The following KCNIP1 variants were observed in gnomAD, a reference collection of about 807,000 sequenced individuals.
KCNIP1 encodes A-type potassium channel modulatory protein KCNIP1.
Under a neutral mutation model 33.0 loss-of-function variants are expected in KCNIP1, and 18 were observed. The ratio of observed to expected loss-of-function variants is 0.55; its 90% CI spans 0.38 to 0.81. The LOEUF (loss-of-function observed/expected upper bound fraction) is 0.81. Ranked by LOEUF, KCNIP1 falls within the 30% of genes least tolerant of loss-of-function variation. The probability of loss-of-function intolerance (pLI) is 0.00; values close to 1 mark genes in which losing one functional copy is unlikely to be tolerated. For missense variants in KCNIP1, 238 were observed against 271.6 expected, an observed-to-expected ratio of 0.88 and a Z score of 0.87; for synonymous variants, 93 against 98.3, an observed-to-expected ratio of 0.95 and a Z score of 0.32.
intron 1 of KCNIP1, among the ~76,000 whole-genome samples, chr5:170,460,774 T>A (rs1756486249): frequency 6.6e-6 from 1 of 152,138 alleles, no homozygotes; most frequent in South Asian, 2.1e-4. Flanking sequence ...CTCACCACTC[T>A]TCTTCAACCT....
At chr5:170,426,133 C>A (rs1755607957) in intron 1 of KCNIP1, among the ~76,000 whole-genome samples, 2 of 152,156 alleles carry the variant, frequency 1.3e-5, no homozygotes, top group South Asian at 4.1e-4. Context: ...TTCCTCGAAC[C>A]ACTGACTGAT....
At chr5:170,419,789 A>G (rs1875958) in intron 1 of KCNIP1, among the ~76,000 whole-genome samples, 7,248 of 152,292 alleles carry the variant, frequency 0.048, 602 homozygotes, top group African/African-American at 0.16. Flanking sequence ...GCTGTCCTAC[A>G]TCTGACCCTC....
intron 1 of KCNIP1, chr5:170,375,160 G>A (rs962371216): frequency 5.3e-5 from 8 of 152,102 alleles, no homozygotes; most frequent in Admixed American, 1.3e-4. Context: ...GAAGCTTTAC[G>A]AAATAATACA....
intron 1 of KCNIP1, among the ~76,000 whole-genome samples, chr5:170,556,171 A>G (rs1264288309): frequency 6.6e-6 from 1 of 152,218 alleles, no homozygotes; most frequent in African/African-American, 2.4e-5. Flanking sequence ...TATTTGATGG[A>G]TGAGCAAGCT....
chr5:170,521,036 T>A (rs111424325), intron 1 of KCNIP1, among the ~76,000 whole-genome samples: 2 of 152,176 alleles, frequency 1.3e-5, no homozygotes, highest in Admixed American at 1.3e-4. Context: ...AGACACCCGT[T>A]TGAGAATTAA....
chr5:170,552,196 A>T (rs988564963), intron 1 of KCNIP1, among the ~76,000 whole-genome samples: 3 of 152,192 alleles, frequency 2.0e-5, no homozygotes. Flanking sequence ...GGACCAGGCC[A>T]CATCTCTTGG....
intron 1 of KCNIP1, among the ~76,000 whole-genome samples, chr5:170,495,230 G>T (rs1331852414): frequency 6.6e-6 from 1 of 152,120 alleles, no homozygotes; most frequent in African/African-American, 2.4e-5. Flanking sequence ...CTACAGAAAG[G>T]CACCCCAAGA....
chr5:170,495,996 G>A (rs566871942), intron 1 of KCNIP1, among the ~76,000 whole-genome samples: 3 of 152,316 alleles, frequency 2.0e-5, no homozygotes, highest in Non-Finnish European at 4.4e-5. Flanking sequence ...GCTCTGACAT[G>A]TTCAGCGGGC....
chr5:170,611,708 C>T (rs980379984), intron 1 of KCNIP1, among the ~76,000 whole-genome samples: 1 of 152,154 alleles, frequency 6.6e-6, no homozygotes, highest in Admixed American at 6.5e-5. Context: ...CTGACCTAAT[C>T]GTTTTCAGAG....
chr5:170,378,341 A>AC (rs1257070550), intron 1 of KCNIP1: 1 of 197,996 alleles, frequency 5.1e-6, no homozygotes, highest in African/African-American at 2.3e-5. Flanking sequence ...GAGGATGGGT[A>AC]CCGCTTTGAG....
intron 1 of KCNIP1, among the ~76,000 whole-genome samples, chr5:170,363,352 T>C (rs909322991): frequency 3.9e-5 from 6 of 152,188 alleles, no homozygotes; most frequent in Admixed American, 2.0e-4. Flanking sequence ...TATTTGATGA[T>C]AGGGCCTTGA....
At chr5:170,733,451 A>T (rs1462454715) in intron 6 of KCNIP1, among the ~76,000 whole-genome samples, 1 of 152,240 alleles carries the variant, frequency 6.6e-6, no homozygotes. Context: ...AGATGGGAAA[A>T]GAGAGTCCTC....
intron 1 of KCNIP1, among the ~76,000 whole-genome samples, chr5:170,356,741 A>G (rs1360917963): frequency 6.6e-6 from 1 of 152,200 alleles, no homozygotes; most frequent in African/African-American, 2.4e-5. Context: ...AGAATGGAGT[A>G]TGTGTGTTAC....
At chr5:170,441,845 G>A (rs572781830) in intron 1 of KCNIP1, among the ~76,000 whole-genome samples, 14 of 151,516 alleles carry the variant, frequency 9.2e-5, no homozygotes, top group East Asian at 2.0e-4. Context: ...CTAGCTACTC[G>A]GGAGGCTGAG....
chr5:170,439,416 C>T (rs1453156744), intron 1 of KCNIP1, among the ~76,000 whole-genome samples: 1 of 152,180 alleles, frequency 6.6e-6, no homozygotes, highest in African/African-American at 2.4e-5. Flanking sequence ...CAGGCAGGTC[C>T]CCTCGACACA....
At chr5:170,549,316 T>A in intron 1 of KCNIP1, among the ~76,000 whole-genome samples, 1 of 152,294 alleles carries the variant, frequency 6.6e-6, no homozygotes, top group South Asian at 2.1e-4. Context: ...TTCGTTTTTT[T>A]AAAATATGGA....
At chr5:170,703,042 C>T (rs768189398) in intron 1 of KCNIP1, among the ~76,000 whole-genome samples, 2 of 138,190 alleles carry the variant, frequency 1.4e-5, no homozygotes, top group African/African-American at 2.7e-5. Flanking sequence ...GTACTGGGCT[C>T]AGAACCTATA....
chr5:170,555,463 G>A lies in KCNIP1; in HGVS notation c.61+50830G>A, dbSNP rs188166472. Reference sequence around the variant, plus strand: ...TGTTATCATTCCATATTACCAATAGGGAAACTGAGGCTGTAAGTGAGGAAG... The same window carrying A: ...TGTTATCATTCCATATTACCAATAGAGAAACTGAGGCTGTAAGTGAGGAAG... On this transcript the variant is annotated intron_variant, in intron 1 of 7. Transcript: ENST00000328939. 1.6e-4 allele frequency among the ~76,000 whole-genome samples: 25 copies of A among 152,244 alleles called. No individual in the cohort carries two copies. The East Asian group carries it at 4.6e-3, about 28-fold the overall frequency.
intron 1 of KCNIP1, among the ~76,000 whole-genome samples, chr5:170,532,295 T>C (rs544939841): frequency 6.6e-6 from 1 of 152,366 alleles, no homozygotes; most frequent in African/African-American, 2.4e-5. Context: ...AGAAATGGAA[T>C]CTTGGTCAAC....
Sources: allele counts gnomAD v4.1 joint callset (sites outside exome capture counted in the v4.1 genomes callset), GRCh38; gene constraint gnomAD v4.1.1; transcripts MANE v1.5; gene names NCBI Gene and HGNC (gene_info 2026-07-23, HGNC 2026-07-21).